Variants in DLL4 observed in about 807,000 individuals in gnomAD.
DLL4 encodes delta-like protein 4.
A neutral mutation model predicts 73.6 loss-of-function variants in DLL4; 7 were observed. The ratio of observed to expected loss-of-function variants is 0.10; its 90% CI spans 0.05 to 0.18. DLL4 has a LOEUF of 0.18. Ranked by LOEUF, DLL4 falls within the 10% of genes least tolerant of loss-of-function variation. The pLI, the probability that DLL4 is intolerant of heterozygous loss-of-function variation, is 1.00. For synonymous variants in DLL4, 345 were observed against 374.3 expected (o/e 0.92, Z 0.90); for missense variants, 614 against 929.9 (o/e 0.66, Z 4.42).
Position 40,931,624 on chromosome 15 carries a change from G to C in DLL4, c.516G>C (p.Arg172=), listed in dbSNP as rs202138470. The C allele has an allele frequency of 1.8e-4, 291 of 1,613,366 alleles. No homozygotes were observed. In the African/African-American group the frequency reaches 3.4e-3, roughly 19 times the overall value. ...STLTRLRYSY[R]VICSDNYYGD... is the part of the protein sequence containing the mutation. Reference sequence around the variant, plus strand: ...TCACAAGGCTGCGCTACTCTTACCGGGTCATCTGCAGTGACAACTACTATG... The same window carrying C: ...TCACAAGGCTGCGCTACTCTTACCGCGTCATCTGCAGTGACAACTACTATG... The change falls in exon 4 of 11, where the codon CGG becomes CGC. Residue 172 remains arginine, a synonymous_variant. Coordinates refer to ENST00000249749, the MANE Select transcript of DLL4 (RefSeq NM_019074.4).
rs567115672 is a variant in DLL4 at position 40,939,064 on chromosome 15, G to T, written c.*1030G>T. On this transcript the variant is annotated 3_prime_UTR_variant, in exon 11 of 11. Transcript: ENST00000249749. ...TGTGTATTTATAATATGAAACAGAT[G>T]TGTACAGGAGTTTATTACTTATTGG... 1 of 150,762 alleles carries T rather than the reference G, an allele frequency of 6.6e-6. No individual in the cohort carries two copies. The highest frequency in any genetic ancestry group is 2.0e-4 in the East Asian group (1 of 5,034). The allele number at this position is 150,762 out of a possible 1,614,324, so 9.3% of individuals were successfully genotyped here.
chr15:40,937,362 C>T (rs1354550736), intron 9 of DLL4, 56 bp from the exon 10 acceptor site: 6 of 1,271,450 alleles, frequency 4.7e-6, no homozygotes, highest in African/African-American at 1.5e-5. Flanking sequence ...AGGGTCCTCC[C>T]TCCCCCCAAG....
rs759186278 is a variant in DLL4 at position 40,935,055 on chromosome 15, A to C, written c.1178A>C (p.Asn393Thr). ...GANYACECPP[N>T]FTGSNCEKKV... The stretch of plus-strand genomic sequence containing the variant: ...AACTATGCTTGTGAATGTCCCCCCA[A>C]CTTCACCGGCTCCAACTGCGAGAAG... The change falls in exon 8 of 11, where the codon AAC (asparagine) becomes ACC (threonine). Residue 393 changes from asparagine to threonine, a missense_variant. By Grantham distance (65) the Asn-to-Thr change is moderately conservative. Transcript: ENST00000249749. The C allele has an allele frequency of 2.5e-6, 4 of 1,613,232 alleles. No homozygotes were observed. Among genetic ancestry groups the C allele is most frequent in the African/African-American group, 1.3e-5 (1 of 74,900 alleles).
At position 40,929,902 on chromosome 15, in the gene DLL4, G is replaced by A. The variant is rs1384457746; in HGVS notation, c.122G>A (p.Arg41His). ...CAGCTGCAGGAGTTCATCAACGAGC[G>A]CGGCGTACTGGCCAGTGGGCGGCCT... ...QLQLQEFINE[R>H]GVLASGRPCE... Residue 41 changes from arginine (R) to histidine (H), a missense_variant, in exon 2 of 11, where the codon CGC becomes CAC. Transcript: ENST00000249749. This position sits in a 1 kb window ranked among gnomAD's most constrained non-coding sequence, Gnocchi z 7.1. 6.2e-7 allele frequency: 1 copy of A among 1,612,930 alleles called. No homozygotes were observed. Among genetic ancestry groups the A allele is most frequent in the Non-Finnish European group, 8.5e-7 (1 of 1,179,766 alleles).
Position 40,936,756 on chromosome 15 carries a change from A to G in DLL4, c.1769A>G (p.Gln590Arg). The change falls in exon 9 of 11, where the codon CAG (glutamine) becomes CGG (arginine). Residue 590 changes from glutamine (Q) to arginine (R), a missense_variant. Coordinates refer to ENST00000249749, the MANE Select transcript of DLL4 (RefSeq NM_019074.4). ...GCCGCCCAGCTTAAAAACACAAACC[A>G]GAAGAAGGAGCTGGAAGTGGACTGT... ...IPAAQLKNTNQKKELEVDCGL... is the reference protein window; with the variant it reads ...IPAAQLKNTNRKKELEVDCGL... 2 of 1,613,924 alleles carry G rather than the reference A, an allele frequency of 1.2e-6. No individual in the cohort carries two copies. Among genetic ancestry groups the G allele is most frequent in the East Asian group, 2.2e-5 (1 of 44,888 alleles).
At position 40,936,223 on chromosome 15, in the gene DLL4, C is replaced by T. The variant is rs1229620989; in HGVS notation, c.1241-5C>T. The T allele has an allele frequency of 3.8e-6, 6 of 1,572,754 alleles. No homozygotes were observed. The highest frequency in any genetic ancestry group is 3.5e-5 in the Admixed American group (2 of 57,524). On this transcript the variant is annotated splice_region_variant and splice_polypyrimidine_tract_variant and intron_variant, in intron 8 of 10. Coordinates refer to ENST00000249749, the MANE Select transcript of DLL4 (RefSeq NM_019074.4). ...CACTGACTTGTGTCTCATGCGTCCTCACAGGGGGACAGTGCCTGAACCGAG... is the reference window on the plus strand; with the variant it reads ...CACTGACTTGTGTCTCATGCGTCCTTACAGGGGGACAGTGCCTGAACCGAG...
chr15:40,934,633 T>C lies in DLL4; in HGVS notation c.936T>C (p.Cys312=). The change falls in exon 7 of 11, where the codon TGT becomes TGC. Residue 312 remains cysteine, a synonymous_variant. Transcript: ENST00000249749. Reference sequence around the variant, plus strand: ...GGCAGCGAAGCTACACCTGCACCTGTCGCCCAGGCTACACTGGTGTGGACT... The same window carrying C: ...GGCAGCGAAGCTACACCTGCACCTGCCGCCCAGGCTACACTGGTGTGGACT... The part of the protein sequence containing the change: ...NSGQRSYTCT[C]RPGYTGVDCE... 1 of 1,613,956 alleles carries C rather than the reference T, an allele frequency of 6.2e-7. No homozygotes were observed. Among genetic ancestry groups the C allele is most frequent in the Non-Finnish European group, 8.5e-7 (1 of 1,179,882 alleles).
chr15:40,934,588 G>A lies in DLL4; in HGVS notation c.891G>A (p.Gly297=), dbSNP rs1246826200. 2 of 1,613,918 alleles carry A rather than the reference G, an allele frequency of 1.2e-6. No homozygotes were observed. The highest frequency in any genetic ancestry group is 1.7e-5 in the Admixed American group (1 of 60,022). Residue 297 remains glycine, a synonymous_variant, in exon 7 of 11, where the codon GGG becomes GGA. Transcript: ENST00000249749. ...YCTHHSPCKN[G]ATCSNSGQRS... ...CCCACCACTCCCCATGCAAGAATGGGGCAACGTGCTCCAACAGTGGGCAGC... is the reference window on the plus strand; with the variant it reads ...CCCACCACTCCCCATGCAAGAATGGAGCAACGTGCTCCAACAGTGGGCAGC...
intron 7 of DLL4, 39 bp from the exon 8 acceptor site, chr15:40,934,844 ACACATCCCTGCCCCC>A: frequency 6.3e-7 from 1 of 1,593,374 alleles, no homozygotes; most frequent in Non-Finnish European, 8.6e-7. Flanking sequence ...GCCTTCAGTC[ACACATCCCTGCCCCC>A]CAGGGTCTGA....
Position 40,936,809 on chromosome 15 carries a change from C to G in DLL4, c.1822C>G (p.Gln608Glu). Residue 608 changes from glutamine to glutamate, a missense_variant, in exon 9 of 11, where the codon CAG becomes GAG. By Grantham distance (29) the Gln-to-Glu change is conservative. Coordinates refer to ENST00000249749, the MANE Select transcript of DLL4 (RefSeq NM_019074.4). ...CGLDKSNCGK[Q>E]QNHTLDYNLA... ...CCTGGACAAGTCCAACTGTGGCAAA[C>G]AGCAAAACCACACATTGGACTATAA... 1 of 1,613,730 alleles carries G rather than the reference C, an allele frequency of 6.2e-7. No homozygotes were observed. Among genetic ancestry groups the G allele is most frequent in the Non-Finnish European group, 8.5e-7 (1 of 1,179,896 alleles).
Position 40,930,203 on chromosome 15 carries a change from G to C in DLL4, c.336+87G>C. On this transcript the variant is annotated intron_variant, in intron 2 of 10. Coordinates refer to ENST00000249749, the MANE Select transcript of DLL4 (RefSeq NM_019074.4). The surrounding 1 kb of genome is among the most constrained non-coding windows in gnomAD (Gnocchi z 5.7). ...CAAAGCCCCCTCCCCAGATTTCCTT[G>C]TACACACACCCCCACCCCCAAAAAG... 1.4e-6 allele frequency: 2 copies of C among 1,478,678 alleles called. No homozygotes were observed. The highest frequency in any genetic ancestry group is 2.5e-5 in the South Asian group (2 of 79,414). 91.6% of individuals were successfully genotyped at this position (1,478,678 alleles called of 1,614,324 possible). A position where few individuals can be genotyped will look rare whatever the true frequency, so the allele number is the denominator to read the frequency against.
In DLL4 at chr15:40,931,887, C is replaced by T. The variant is rs1483405697; in HGVS notation, c.658+121C>T. On this transcript the variant is annotated intron_variant, in intron 4 of 10. Transcript: ENST00000249749. Reference sequence around the variant, plus strand: ...GGTCTGGGCCTCCTACTAGCTGGGCCTCAGGGATGCTGAGGGTGGGCTTGA... The same window carrying T: ...GGTCTGGGCCTCCTACTAGCTGGGCTTCAGGGATGCTGAGGGTGGGCTTGA... 5.4e-6 allele frequency: 7 copies of T among 1,306,486 alleles called. No individual in the cohort carries two copies. The East Asian group carries it at 1.8e-4, about 33-fold the overall frequency. 80.9% of individuals were successfully genotyped at this position (1,306,486 alleles called of 1,614,324 possible). A position where few individuals can be genotyped will look rare whatever the true frequency, so the allele number is the denominator to read the frequency against.
chr15:40,936,861 G>A lies in DLL4; in HGVS notation c.1874G>A (p.Gly625Glu). The A allele has an allele frequency of 1.2e-6, 2 of 1,613,108 alleles. No individual in the cohort carries two copies. The highest frequency in any genetic ancestry group is 1.7e-6 in the Non-Finnish European group (2 of 1,179,842). The change falls in exon 9 of 11, where the codon GGG (glycine) becomes GAG (glutamate). Residue 625 changes from glycine to glutamate, a missense_variant. By Grantham distance (98) the Gly-to-Glu change is moderately conservative. Coordinates refer to ENST00000249749, the MANE Select transcript of DLL4 (RefSeq NM_019074.4). ...YNLAPGPLGR[G>E]TMPGKFPHSD... is the part of the protein sequence containing the mutation. ...CTGGCCCCAGGGCCCCTGGGGCGGGGGACCATGCCAGGAAAGTTTCCCCAC... is the reference window on the plus strand; with the variant it reads ...CTGGCCCCAGGGCCCCTGGGGCGGGAGACCATGCCAGGAAAGTTTCCCCAC...
rs1892759652 is a variant in DLL4 at position 40,930,852 on chromosome 15, CAG to C, written c.394+173_394+174del. On this transcript the variant is annotated intron_variant, in intron 3 of 10. Coordinates refer to ENST00000249749, the MANE Select transcript of DLL4 (RefSeq NM_019074.4). The surrounding 1 kb of genome is among the most constrained non-coding windows in gnomAD (Gnocchi z 5.7). ...TCGGATTCCGCTCGCTGCCTGGACT[CAG>C]AGCACAATTGCGTTTCCTGCGGGTT... is the stretch of plus-strand genomic sequence containing the variant. 1 of 678,454 alleles carries C rather than the reference CAG, an allele frequency of 1.5e-6. No individual in the cohort carries two copies. Among genetic ancestry groups the C allele is most frequent in the South Asian group, 1.9e-5 (1 of 52,792 alleles). 42.0% of individuals were successfully genotyped at this position (678,454 alleles called of 1,614,324 possible).
Position 40,934,916 on chromosome 15 carries a change from C to T in DLL4, c.1039C>T (p.His347Tyr). ...GSCKDQEDGY[H>Y]CLCPPGYYGL... is the part of the protein sequence containing the mutation. ...TCTCCAGGACCAGGAGGATGGCTAC[C>T]ACTGCCTGTGTCCTCCGGGCTACTA... The change falls in exon 8 of 11, where the codon CAC (histidine) becomes TAC (tyrosine). Residue 347 changes from histidine to tyrosine, a missense_variant. His to Tyr is a moderately conservative substitution (Grantham distance 83). Transcript: ENST00000249749. 2 of 1,613,694 alleles carry T rather than the reference C, an allele frequency of 1.2e-6. No homozygotes were observed. The highest frequency in any genetic ancestry group is 1.7e-6 in the Non-Finnish European group (2 of 1,179,878).
rs750221835 is a variant in DLL4 at position 40,936,208 on chromosome 15, T to C, written c.1241-20T>C. ...GAGCTCCCAGGCTATCACTGACTTGTGTCTCATGCGTCCTCACAGGGGGAC... is the reference window on the plus strand; with the variant it reads ...GAGCTCCCAGGCTATCACTGACTTGCGTCTCATGCGTCCTCACAGGGGGAC... On this transcript the variant is annotated intron_variant, in intron 8 of 10. Transcript: ENST00000249749. 3.2e-5 allele frequency: 50 copies of C among 1,546,862 alleles called. No homozygotes were observed. The highest frequency in any genetic ancestry group is 7.8e-6 in the Non-Finnish European group (9 of 1,149,608).
At chr15:40,937,220 G>C (rs1485907536) in intron 9 of DLL4, among the ~76,000 whole-genome samples, 198 bp from the exon 10 acceptor site, 1 of 152,154 alleles carries the variant, frequency 6.6e-6, no homozygotes, top group Admixed American at 6.5e-5. Flanking sequence ...AGACCCTTCT[G>C]GTGAGGTTGG....
Position 40,930,607 on chromosome 15 carries a change from C to T in DLL4, c.337-18C>T. On this transcript the variant is annotated intron_variant, in intron 2 of 10. Coordinates refer to ENST00000249749, the MANE Select transcript of DLL4 (RefSeq NM_019074.4). The surrounding 1 kb of genome is among the most constrained non-coding windows in gnomAD (Gnocchi z 5.7). Reference sequence around the variant, plus strand: ...TGCTCATCTCGCCATCTCTCCGTCCCCCCACCCCCTTTCCCAGGGTACCTT... The same window carrying T: ...TGCTCATCTCGCCATCTCTCCGTCCTCCCACCCCCTTTCCCAGGGTACCTT... 1 of 1,613,252 alleles carries T rather than the reference C, an allele frequency of 6.2e-7. No homozygotes were observed. The highest frequency in any genetic ancestry group is 8.5e-7 in the Non-Finnish European group (1 of 1,179,514).
chr15:40,937,350 C>T, intron 9 of DLL4, 68 bp from the exon 10 acceptor site: 1 of 1,130,692 alleles, frequency 8.8e-7, no homozygotes, highest in Non-Finnish European at 1.3e-6. Context: ...CTTTGGCTCT[C>T]CAGGGTCCTC....
Sources: allele counts gnomAD v4.1 joint callset (sites outside exome capture counted in the v4.1 genomes callset), GRCh38; gene constraint gnomAD v4.1.1; non-coding constraint Gnocchi (gnomAD v3.1); transcripts MANE v1.5; gene names NCBI Gene and HGNC (gene_info 2026-07-23, HGNC 2026-07-21).